The following ABL1 variants were observed in gnomAD, a reference collection of about 807,000 sequenced individuals.
ABL1 encodes the protein ABL proto-oncogene 1, non-receptor tyrosine kinase.
Under a neutral mutation model 94.7 loss-of-function variants are expected in ABL1, and 11 were observed. The observed-to-expected ratio is 0.12, with a 90% CI of 0.07 to 0.19. The LOEUF (loss-of-function observed/expected upper bound fraction) is 0.19, where lower values mean the gene tolerates loss of function less well. Ranked by LOEUF, ABL1 falls within the 10% of genes least tolerant of loss-of-function variation. The pLI is 1.00. For missense variants in ABL1, 1,082 were observed against 1,489.4 expected, an observed-to-expected ratio of 0.73 and a Z score of 4.50; for synonymous variants, 656 against 622.4, an observed-to-expected ratio of 1.05 and a Z score of -0.80.
chr9:130,830,645 AG>A (rs1229091864), upstream of ABL1, among the ~76,000 whole-genome samples: 2 of 152,242 alleles, frequency 1.3e-5, no homozygotes, highest in Non-Finnish European at 2.9e-5. Context: ...AGTGAGATGT[AG>A]GCAGGAACAC....
At chr9:130,795,433 C>T (rs539043557) in intron 1 of ABL1, among the ~76,000 whole-genome samples, 6 of 152,258 alleles carry the variant, frequency 3.9e-5, no homozygotes, top group Admixed American at 6.5e-5. Context: ...CATATGTGCT[C>T]GCACGACAGA....
chr9:130,778,832 A>G (rs1309951559), intron 1 of ABL1, among the ~76,000 whole-genome samples: 2 of 152,064 alleles, frequency 1.3e-5, no homozygotes, highest in African/African-American at 4.8e-5. Flanking sequence ...CCCCAGAGGC[A>G]TCATTTCAAT....
At position 130,887,560 on chromosome 9, in the gene ABL1, C is replaced by T. The variant is rs1286218060; in HGVS notation, c.*1877C>T. 2 of 233,296 alleles carry T rather than the reference C, an allele frequency of 8.6e-6. No homozygotes were observed. Among genetic ancestry groups the T allele is most frequent in the Non-Finnish European group, 1.7e-5 (2 of 117,838 alleles). The allele number at this position is 233,296 out of a possible 1,614,324, so 14.5% of individuals were successfully genotyped here. On this transcript the variant is annotated 3_prime_UTR_variant, in exon 11 of 11. Transcript: ENST00000318560. ...CCTCGGGGGCCTGTGGTGGCTCCCC[C>T]TCTGCTTCTCGGGGTCCAGTGCATT...
At chr9:130,866,633 C>A (rs747050221) in intron 4 of ABL1, among the ~76,000 whole-genome samples, 1 of 152,102 alleles carries the variant, frequency 6.6e-6, no homozygotes, top group African/African-American at 2.4e-5. Flanking sequence ...CATTCATATA[C>A]CTTCCAGGCA....
rs147591060 is a variant in ABL1 at position 130,797,151 on chromosome 9, G to A, written c.137-56913G>A. ...CTTGGAAGGGCGAGACAGGAGAATC[G>A]CTTGAACCCAGGCGGCAAAGGTTGC... On this transcript the variant is annotated intron_variant, in intron 1 of 10. Transcript: ENST00000372348. 1.9e-3 allele frequency among the ~76,000 whole-genome samples: 268 copies of A among 139,058 alleles called. 2 individuals carry two copies. Among genetic ancestry groups the A allele is most frequent in the African/African-American group, 6.6e-3 (252 of 38,018 alleles). The allele number at this position is 139,058 out of a possible 152,430, so 91.2% of individuals were successfully genotyped here.
intron 1 of ABL1, among the ~76,000 whole-genome samples, chr9:130,813,391 C>T (rs1479412686): frequency 6.6e-6 from 1 of 151,060 alleles, no homozygotes; most frequent in Non-Finnish European, 1.5e-5. Context: ...GAAACCCCTT[C>T]TCTACTAAAA....
rs1248977210 is a variant in ABL1 at position 130,885,079 on chromosome 9, C to T, written c.2789C>T (p.Ala930Val). The T allele has an allele frequency of 6.2e-7, 1 of 1,609,732 alleles. No individual in the cohort carries two copies. The highest frequency in any genetic ancestry group is 1.3e-5 in the African/African-American group (1 of 74,816). The change falls in exon 11 of 11, where the codon GCA (alanine) becomes GTA (valine). Residue 930 changes from alanine (A) to valine (V), a missense_variant. Physicochemically the swap from Ala to Val is moderately conservative, Grantham distance 64. This residue lies in a region of ABL1 where 780 missense variants were observed against 835.8 expected (regional missense o/e 0.93). Coordinates refer to ENST00000318560, the MANE Select transcript of ABL1 (RefSeq NM_005157.6). ...GCGGCCGGGGAGGCAGTCCTGGGCG[C>T]AAAGACAAAAGCCACGAGTCTGGTT... ...QEAAGEAVLG[A>V]KTKATSLVDA...
At chr9:130,769,001 G>A (rs570190312) in intron 1 of ABL1, among the ~76,000 whole-genome samples, 5 of 152,240 alleles carry the variant, frequency 3.3e-5, no homozygotes, top group South Asian at 4.1e-4. Flanking sequence ...AAGGTCTGTC[G>A]ATAGTGGTTA....
intron 1 of ABL1, among the ~76,000 whole-genome samples, chr9:130,761,107 C>T (rs1244524663): frequency 6.6e-6 from 1 of 152,142 alleles, no homozygotes; most frequent in African/African-American, 2.4e-5. Context: ...ACCACCACGG[C>T]TGGCTACTAA....
intron 1 of ABL1, among the ~76,000 whole-genome samples, chr9:130,748,448 TG>T (rs1831914765): frequency 6.6e-6 from 1 of 152,110 alleles, no homozygotes; most frequent in African/African-American, 2.4e-5. Context: ...AGTCTCCCTC[TG>T]TCACCCAAGC....
chr9:130,719,705 G>A (rs1164646218), intron 1 of ABL1, among the ~76,000 whole-genome samples: 1 of 152,198 alleles, frequency 6.6e-6, no homozygotes, highest in East Asian at 1.9e-4. Flanking sequence ...TTGTGTTACA[G>A]ATTGTTTGCG....
At chr9:130,831,169 C>T (rs1421197229), upstream of ABL1, among the ~76,000 whole-genome samples, 1 of 152,104 alleles carries the variant, frequency 6.6e-6, no homozygotes, top group Non-Finnish European at 1.5e-5. Flanking sequence ...TTTGCTGTTC[C>T]CCCCCTAAAG....
chr9:130,791,532 A>G (rs1480766409), intron 1 of ABL1, among the ~76,000 whole-genome samples: 1 of 152,120 alleles, frequency 6.6e-6, no homozygotes, highest in African/African-American at 2.4e-5. Flanking sequence ...GGCACCATCC[A>G]GTTGGTTGCC....
intron 4 of ABL1, among the ~76,000 whole-genome samples, chr9:130,871,783 G>A (rs1033981078): frequency 6.6e-6 from 1 of 152,236 alleles, no homozygotes; most frequent in African/African-American, 2.4e-5. Flanking sequence ...CACGTTTGTG[G>A]TGTTTGCCCG....
intron 1 of ABL1, among the ~76,000 whole-genome samples, chr9:130,837,567 C>G (rs1266116812): frequency 1.3e-5 from 2 of 151,154 alleles, no homozygotes; most frequent in East Asian, 3.9e-4. Context: ...AAAAAAAGTT[C>G]TAGTACAGCA....
intron 1 of ABL1, among the ~76,000 whole-genome samples, chr9:130,753,248 T>C (rs953737597): frequency 6.6e-6 from 1 of 151,568 alleles, no homozygotes; most frequent in Admixed American, 6.6e-5. Flanking sequence ...CAGAGCGGAC[T>C]CCATCTCAAA....
intron 3 of ABL1, among the ~76,000 whole-genome samples, chr9:130,857,815 C>T (rs565866340): frequency 3.9e-4 from 60 of 152,250 alleles, no homozygotes; most frequent in African/African-American, 1.4e-3. Context: ...GTGTGCGTGA[C>T]GGACAAAAGA....
intron 1 of ABL1, among the ~76,000 whole-genome samples, chr9:130,725,777 A>G (rs911362114): frequency 2.7e-5 from 4 of 145,738 alleles, no homozygotes; most frequent in Non-Finnish European, 6.0e-5. Context: ...GTATATATAT[A>G]TACACACCAA....
In ABL1 at chr9:130,861,947, T is replaced by C. The variant is rs1194665006; in HGVS notation, c.550-816T>C. On this transcript the variant is annotated intron_variant, in intron 3 of 10. Transcript: ENST00000318560. ...TCCTTCTCCTTCCTCTCCAGCTCTG[T>C]TGTGTCCAGATGCAAACTCTACATG... Among the ~76,000 whole-genome samples, 5 of 152,366 alleles carry C rather than the reference T, an allele frequency of 3.3e-5. No individual in the cohort carries two copies. The South Asian group carries it at 8.3e-4, about 25-fold the overall frequency.
Sources: gnomAD v4.1 joint callset for allele counts (sites outside exome capture counted in the v4.1 genomes callset) on GRCh38, gnomAD v4.1.1 for gene constraint, gnomAD v4.1.1 regional missense constraint, MANE v1.5 for transcripts, NCBI Gene and HGNC (gene_info 2026-07-23, HGNC 2026-07-21) for gene names.